Variants in ROCK1 observed in about 807,000 individuals in gnomAD.
ROCK1 encodes Rho associated coiled-coil containing protein kinase 1.
ROCK1 carries 36 observed loss-of-function variants against 196.8 expected under a neutral mutation model. That is an observed-to-expected ratio of 0.18 (90% CI 0.14 to 0.24). The LOEUF (loss-of-function observed/expected upper bound fraction) is 0.24, where lower values mean the gene tolerates loss of function less well. Ranked by LOEUF, ROCK1 falls within the 10% of genes least tolerant of loss-of-function variation. ROCK1 has a pLI of 1.00. For missense variants in ROCK1, 920 were observed against 1,562.0 expected, an observed-to-expected ratio of 0.59 and a Z score of 6.93; for synonymous variants, 443 against 515.9, an observed-to-expected ratio of 0.86 and a Z score of 1.91.
chr18:21,092,580 TAAAAAAAAA>T (rs35799573), intron 1 of ROCK1, among the ~76,000 whole-genome samples: 47 of 81,110 alleles, frequency 5.8e-4, no homozygotes, highest in African/African-American at 2.3e-3. Flanking sequence ...ACCTCATCTT[TAAAAAAAAA>T]AAAAAAAAAA....
At position 21,006,717 on chromosome 18, in the gene ROCK1, C is replaced by T. The variant is rs1319727390; in HGVS notation, c.1620G>A (p.Leu540=). 3 of 1,603,358 alleles carry T rather than the reference C, an allele frequency of 1.9e-6. No individual in the cohort carries two copies. The Admixed American group carries it at 5.2e-5, about 28-fold the overall frequency. ...CACTTACCTGCTTTTGTAACTGGGA[C>T]AGCTTCTCATTAGCAAGCTGTGAAT... ...SQNSQLANEK[L]SQLQKQLEEA... Residue 540 remains leucine, a synonymous_variant, in exon 15 of 33, where the codon CTG becomes CTA. Transcript: ENST00000399799.
intron 4 of ROCK1, among the ~76,000 whole-genome samples, chr18:21,046,885 G>C (rs2036165306): frequency 6.6e-6 from 1 of 152,078 alleles, no homozygotes. Context: ...TTGGGAGCCA[G>C]TCTTGAACTC....
In ROCK1 at chr18:21,111,075, C is replaced by G. The variant is rs759900848; in HGVS notation, c.-165G>C. ...GTCTTCCCCTCACTGAGGGGACCTC[C>G]GCTCTCCAGACCCCGGGCCGGGGGC... On this transcript the variant is annotated 5_prime_UTR_variant, in exon 1 of 33. Coordinates refer to ENST00000399799, the MANE Select transcript of ROCK1 (RefSeq NM_005406.3). This position sits in a 1 kb window ranked among gnomAD's most constrained non-coding sequence, Gnocchi z 4.2. 4.9e-6 allele frequency: 3 copies of G among 616,358 alleles called. No individual in the cohort carries two copies. The highest frequency in any genetic ancestry group is 8.6e-6 in the Non-Finnish European group (3 of 348,702). 38.2% of individuals were successfully genotyped at this position (616,358 alleles called of 1,614,324 possible). A position where few individuals can be genotyped will look rare whatever the true frequency, so the allele number is the denominator to read the frequency against.
chr18:21,110,765 GA>G, intron 1 of ROCK1, 52 bp downstream of exon 1: 1 of 1,396,996 alleles, frequency 7.2e-7, no homozygotes, highest in Non-Finnish European at 1.0e-6. Context: ...AATGCAAGAG[GA>G]AGGAAAGACA....
intron 16 of ROCK1, among the ~76,000 whole-genome samples, chr18:21,005,798 C>A (rs1016187146): frequency 1.3e-5 from 2 of 152,016 alleles, no homozygotes; most frequent in Admixed American, 6.6e-5. Context: ...AATTGCTTGA[C>A]CTCAGGAGTT....
At chr18:20,955,998 A>G (rs888344712) in intron 29 of ROCK1, among the ~76,000 whole-genome samples, 5 of 152,218 alleles carry the variant, frequency 3.3e-5, no homozygotes, top group African/African-American at 1.2e-4. Flanking sequence ...TTGTGATGGA[A>G]TTGTTCTGTA....
At chr18:21,082,130 G>C (rs1344817583) in intron 1 of ROCK1, among the ~76,000 whole-genome samples, 1 of 151,702 alleles carries the variant, frequency 6.6e-6, no homozygotes, top group Admixed American at 6.6e-5. Context: ...TTAGGGATGG[G>C]GTTTTACCAT....
intron 29 of ROCK1, among the ~76,000 whole-genome samples, chr18:20,959,164 T>TATATATAATATTA (rs1555743191): frequency 1.4e-5 from 1 of 72,742 alleles, no homozygotes; most frequent in African/African-American, 6.5e-5. Context: ...ATATTATATA[T>TATATATAATATTA]TATATAATAT....
chr18:21,049,320 T>C (rs1250438333), intron 3 of ROCK1, 91 bp from the exon 4 acceptor site: 11 of 988,672 alleles, frequency 1.1e-5, no homozygotes, highest in East Asian at 2.7e-5. Context: ...CTTTTAATAC[T>C]TGCTAAATAA....
rs189759239 is a variant in ROCK1, at chr18:21,069,464, T to C, written c.175+1068A>G. On this transcript the variant is annotated intron_variant, in intron 2 of 32. Transcript: ENST00000399799. ...ACACTTTTATTTCACTTATTTCTAC[T>C]AAAGCATTAATGTCTCTATTTATAA... is the stretch of plus-strand genomic sequence containing the variant. 1.0e-3 allele frequency among the ~76,000 whole-genome samples: 155 copies of C among 152,242 alleles called. 2 individuals carry two copies. Among genetic ancestry groups the C allele is most frequent in the Admixed American group, 9.2e-3 (141 of 15,292 alleles).
chr18:21,082,463 T>C (rs2036490794), intron 1 of ROCK1, among the ~76,000 whole-genome samples: 3 of 152,076 alleles, frequency 2.0e-5, no homozygotes, highest in Admixed American at 6.5e-5. Context: ...ATATAGCACA[T>C]ATGAGAAGAA....
intron 1 of ROCK1, among the ~76,000 whole-genome samples, chr18:21,089,058 T>C (rs1345600549): frequency 1.3e-5 from 2 of 152,190 alleles, no homozygotes; most frequent in Admixed American, 6.5e-5. Context: ...AAAACTTTTT[T>C]TTTTTAAGAC....
chr18:20,957,197 A>G (rs1160298244), intron 29 of ROCK1, among the ~76,000 whole-genome samples: 10 of 152,238 alleles, frequency 6.6e-5, no homozygotes, highest in East Asian at 1.9e-4. Context: ...ATAAGTTAAA[A>G]AAAGGAATGC....
chr18:20,971,677 T>C (rs1471099458), intron 22 of ROCK1, among the ~76,000 whole-genome samples: 1 of 104,564 alleles, frequency 9.6e-6, no homozygotes, highest in Non-Finnish European at 1.7e-5. Flanking sequence ...AATAAATAAA[T>C]AAATAAATAA....
At chr18:20,965,182 G>C (rs1335886820) in intron 27 of ROCK1, among the ~76,000 whole-genome samples, 1 of 152,090 alleles carries the variant, frequency 6.6e-6, no homozygotes, top group Admixed American at 6.6e-5. Context: ...TTGAGCTCAG[G>C]AGTTCAAAAC....
chr18:21,071,893 A>G (rs778828723), intron 1 of ROCK1, among the ~76,000 whole-genome samples: 1 of 152,226 alleles, frequency 6.6e-6, no homozygotes, highest in African/African-American at 2.4e-5. Context: ...ATTACAACAC[A>G]TAACAGATTT....
At position 21,008,191 on chromosome 18, in the gene ROCK1, T is replaced by C; in HGVS notation, c.1414A>G (p.Asn472Asp). 1 of 1,574,798 alleles carries C rather than the reference T, an allele frequency of 6.4e-7. No individual in the cohort carries two copies. The highest frequency in any genetic ancestry group is 8.6e-7 in the Non-Finnish European group (1 of 1,159,324). ...KIMKELDEEG[N>D]QRRNLESTVS... is the part of the protein sequence containing the mutation. The stretch of plus-strand genomic sequence containing the variant: ...GTAGATTCTAGATTTCTTCTTTGAT[T>C]TCCCTGGAATTATAATGATAAAAGT... Residue 472 changes from asparagine (N) to aspartate (D), a missense_variant, in exon 14 of 33, where the codon AAT becomes GAT. Transcript: ENST00000399799.
chr18:21,049,647 A>C, intron 3 of ROCK1, 133 bp downstream of exon 3: 1 of 624,696 alleles, frequency 1.6e-6, no homozygotes, highest in South Asian at 2.1e-5. Context: ...CCATACCCTC[A>C]GGCAACAATG....
At chr18:20,957,365 T>C (rs1361489737) in intron 29 of ROCK1, among the ~76,000 whole-genome samples, 3 of 152,300 alleles carry the variant, frequency 2.0e-5, no homozygotes, top group African/African-American at 7.2e-5. Flanking sequence ...TGAAAGATGC[T>C]AGGCACAAAA....
Sources: allele counts gnomAD v4.1 joint callset (sites outside exome capture counted in the v4.1 genomes callset), GRCh38; gene constraint gnomAD v4.1.1; non-coding constraint Gnocchi (gnomAD v3.1); transcripts MANE v1.5; gene names NCBI Gene and HGNC (gene_info 2026-07-23, HGNC 2026-07-21).